The following CDH18 variants were observed in gnomAD, a reference collection of about 807,000 sequenced individuals.
CDH18 encodes the protein cadherin 18, also known as cadherin-18.
Under a neutral mutation model 67.9 loss-of-function variants are expected in CDH18, and 31 were observed. The observed-to-expected ratio is 0.46, with a 90% confidence interval of 0.34 to 0.62. The LOEUF (loss-of-function observed/expected upper bound fraction) is 0.62. Among genes scored for constraint, CDH18 ranks in the 20% least tolerant of loss-of-function variants. CDH18 has a pLI of 0.01. For synonymous variants in CDH18, 362 were observed against 347.2 expected, an observed-to-expected ratio of 1.04 and a Z score of -0.48; for missense variants, 890 against 975.5, an observed-to-expected ratio of 0.91 and a Z score of 1.17.
chr5:20,325,513 C>T (rs1030840041), intron 1 of CDH18, among the ~76,000 whole-genome samples: 1 of 152,126 alleles, frequency 6.6e-6, no homozygotes, highest in Non-Finnish European at 1.5e-5. Context: ...CCAACTTCAT[C>T]CACTGTGACC....
intron 2 of CDH18, among the ~76,000 whole-genome samples, chr5:20,186,216 A>G (rs1738089350): frequency 6.6e-6 from 1 of 152,062 alleles, no homozygotes; most frequent in African/African-American, 2.4e-5. Context: ...AAACATGGGA[A>G]ACATTGTCAT....
chr5:19,760,650 G>A (rs533541650), intron 3 of CDH18, among the ~76,000 whole-genome samples: 1 of 152,256 alleles, frequency 6.6e-6, no homozygotes, highest in African/African-American at 2.4e-5. Flanking sequence ...CTGTCCTCCA[G>A]ATTTCTGTTT....
At chr5:20,516,443 A>G (rs1418437151) in intron 1 of CDH18, among the ~76,000 whole-genome samples, 23 of 151,972 alleles carry the variant, frequency 1.5e-4, no homozygotes, top group South Asian at 4.1e-4. Flanking sequence ...TGCAGTACAA[A>G]AGAACTAAGA....
chr5:19,808,318 C>CAAAAAAA (rs144547566), intron 3 of CDH18, among the ~76,000 whole-genome samples: 4 of 133,282 alleles, frequency 3.0e-5, no homozygotes, highest in African/African-American at 7.9e-5. Context: ...ACAACAACAA[C>CAAAAAAA]AAAAAAAAAA....
At chr5:19,519,644 A>G (rs997741065) in intron 10 of CDH18, among the ~76,000 whole-genome samples, 1 of 152,110 alleles carries the variant, frequency 6.6e-6, no homozygotes, top group Non-Finnish European at 1.5e-5. Flanking sequence ...TGCATGACTC[A>G]CTTGATTACA....
At chr5:20,143,334 C>T (rs1028113562) in intron 2 of CDH18, among the ~76,000 whole-genome samples, 3 of 151,984 alleles carry the variant, frequency 2.0e-5, no homozygotes, top group African/African-American at 4.8e-5. Context: ...GGAAAAGTGG[C>T]ATATTTAGAT....
chr5:20,101,316 T>G (rs1315457137), intron 2 of CDH18, among the ~76,000 whole-genome samples: 1 of 152,098 alleles, frequency 6.6e-6, no homozygotes, highest in Non-Finnish European at 1.5e-5. Context: ...AAAACAAAAT[T>G]CCAGACTTCT....
At chr5:19,495,928 A>C (rs1293550864) in intron 11 of CDH18, among the ~76,000 whole-genome samples, 1 of 151,998 alleles carries the variant, frequency 6.6e-6, no homozygotes, top group Non-Finnish European at 1.5e-5. Context: ...GGGACAGAGA[A>C]ATGAGGGGAG....
intron 2 of CDH18, among the ~76,000 whole-genome samples, chr5:20,123,731 C>G (rs1213506211): frequency 6.6e-6 from 1 of 151,478 alleles, no homozygotes; most frequent in Non-Finnish European, 1.5e-5. Context: ...ACTAAAAATA[C>G]AAAAAAATTA....
rs1179502556 is a variant in CDH18, at chr5:20,095,588, G to GAAA, written c.-517-103575_-517-103574insTTT. ...GGAAAGAAAGGAAGAAAGGAAGAAA[G>GAAA]GAAGAAAGAAGAAAGAAAGAAAAGA... is the stretch of plus-strand genomic sequence containing the variant. On this transcript the variant is annotated intron_variant, in intron 2 of 14. Transcript: ENST00000507958. Among the ~76,000 whole-genome samples the GAAA allele has an allele frequency of 1.0e-3, 143 of 142,354 alleles. 6 individuals are homozygous for GAAA. Among genetic ancestry groups the GAAA allele is most frequent in the Middle Eastern group, 3.6e-3 (1 of 280 alleles). The allele number at this position is 142,354 out of a possible 152,430, so 93.4% of individuals were successfully genotyped here. A position where few individuals can be genotyped will look rare whatever the true frequency, so the allele number is the denominator to read the frequency against.
intron 2 of CDH18, among the ~76,000 whole-genome samples, chr5:20,201,453 G>A (rs1171636388): frequency 6.6e-6 from 1 of 151,984 alleles, no homozygotes; most frequent in Non-Finnish European, 1.5e-5. Flanking sequence ...AAATAGGATT[G>A]CAATATGAGC....
In CDH18 at chr5:20,281,695, T is replaced by C. The variant is rs533093590; in HGVS notation, c.-579-26190A>G. Among the ~76,000 whole-genome samples the C allele has an allele frequency of 5.3e-5, 8 of 152,342 alleles. No homozygotes were observed. The South Asian group carries it at 1.4e-3, about 28-fold the overall frequency. On this transcript the variant is annotated intron_variant, in intron 1 of 14. Transcript: ENST00000507958. ...AGGATTGACTTGGCGATGCGGGCTC[T>C]CTTTTGGTTCCATATGAACTTTAAA... is the stretch of plus-strand genomic sequence containing the variant.
Position 19,700,005 on chromosome 5 carries a change from A to T in CDH18, c.643+21342T>A, listed in dbSNP as rs886085837. On this transcript the variant is annotated intron_variant, in intron 5 of 12. Coordinates refer to ENST00000382275, the MANE Select transcript of CDH18 (RefSeq NM_004934.5). ...TGTATACAAACTTAAGAATACATTC[A>T]ATTAATTTGAGATATTTATGAATTA... Among the ~76,000 whole-genome samples, 4 of 151,002 alleles carry T rather than the reference A, an allele frequency of 2.6e-5. No individual in the cohort carries two copies. In the Admixed American group the frequency reaches 2.7e-4, roughly 10 times the overall value.
chr5:19,710,503 T>C (rs1764571646), intron 5 of CDH18, among the ~76,000 whole-genome samples: 1 of 152,178 alleles, frequency 6.6e-6, no homozygotes, highest in African/African-American at 2.4e-5. Flanking sequence ...TGTAAACTTG[T>C]AAACTGAGAA....
intron 5 of CDH18, among the ~76,000 whole-genome samples, chr5:19,653,035 T>C (rs946445985): frequency 6.6e-6 from 1 of 152,044 alleles, no homozygotes; most frequent in Non-Finnish European, 1.5e-5. Context: ...TTGCATATGC[T>C]TTGTGGGAAA....
intron 1 of CDH18, among the ~76,000 whole-genome samples, chr5:20,544,766 T>C (rs1581178482): frequency 6.6e-6 from 1 of 152,050 alleles, no homozygotes; most frequent in Non-Finnish European, 1.5e-5. Flanking sequence ...GCAAACCATA[T>C]CATTATCCTC....
At chr5:20,096,908 A>G (rs1182110592) in intron 2 of CDH18, among the ~76,000 whole-genome samples, 1 of 152,158 alleles carries the variant, frequency 6.6e-6, no homozygotes, top group Non-Finnish European at 1.5e-5. Flanking sequence ...CTGCCCAAAG[A>G]GTCACTTTAC....
At position 19,707,597 on chromosome 5, in the gene CDH18, T is replaced by A. The variant is rs192817618; in HGVS notation, c.643+13750A>T. 2.0e-4 allele frequency among the ~76,000 whole-genome samples: 31 copies of A among 152,252 alleles called. No individual in the cohort carries two copies. The East Asian group carries it at 5.8e-3, about 28-fold the overall frequency. On this transcript the variant is annotated intron_variant, in intron 5 of 12. Transcript: ENST00000382275. ...TCTTTAGGATTTGAACATCTGCCTA[T>A]CTGTTTGGGAAAGGCCACTAGTTGC...
intron 2 of CDH18, among the ~76,000 whole-genome samples, chr5:20,122,161 C>T (rs1163432535): frequency 2.0e-5 from 3 of 152,148 alleles, no homozygotes; most frequent in South Asian, 2.1e-4. Context: ...CAATTCTGGC[C>T]CACAAGTGCC....
Sources: allele counts gnomAD v4.1 joint callset (sites outside exome capture counted in the v4.1 genomes callset), GRCh38; gene constraint gnomAD v4.1.1; transcripts MANE v1.5; gene names NCBI Gene and HGNC (gene_info 2026-07-23, HGNC 2026-07-21).